FRMPD4: variants seen among roughly 807,000 people sequenced by gnomAD.
FRMPD4 encodes FERM and PDZ domain-containing protein 4.
Under a neutral mutation model 94.1 loss-of-function variants are expected in FRMPD4, and 22 were observed. That is an observed-to-expected ratio of 0.23 (90% CI 0.17 to 0.33). The LOEUF (loss-of-function observed/expected upper bound fraction) is 0.33. FRMPD4 is among the 10% of genes least tolerant of loss of function. The pLI, the probability that FRMPD4 is intolerant of heterozygous loss-of-function variation, is 1.00. For missense variants in FRMPD4, 1,111 were observed against 1,339.9 expected (o/e 0.83, Z 2.67); for synonymous variants, 631 against 548.6 (o/e 1.15, Z -2.10).
intron 1 of FRMPD4, among the ~76,000 whole-genome samples, chrX:12,156,366 AAAG>A (rs1372884022): frequency 5.4e-5 from 6 of 111,474 alleles, no homozygotes; most frequent in Non-Finnish European, 9.4e-5. Context: ...CTCTGGGAGG[AAAG>A]AAGGAGGGGA....
At chrX:12,373,599 C>T (rs1029161454) in intron 1 of FRMPD4, among the ~76,000 whole-genome samples, 2 of 112,032 alleles carry the variant, frequency 1.8e-5, no homozygotes, top group African/African-American at 6.5e-5. Context: ...CTAGAAGGAA[C>T]CAGCATCAAT....
At chrX:11,971,937 G>T (rs920350448) in intron 3 of FRMPD4, among the ~76,000 whole-genome samples, 2 of 112,010 alleles carry the variant, frequency 1.8e-5, no homozygotes, top group Admixed American at 1.9e-4. Context: ...TAGGACTTTT[G>T]TTTGGTTGTT....
intron 3 of FRMPD4, among the ~76,000 whole-genome samples, chrX:11,951,846 C>A (rs770020610): frequency 1.8e-5 from 2 of 111,220 alleles, no homozygotes; most frequent in Non-Finnish European, 3.8e-5. Context: ...CCAGCCTGGG[C>A]AACAAGACAA....
At chrX:12,082,329 G>T (rs1015380687) in intron 3 of FRMPD4, among the ~76,000 whole-genome samples, 7 of 111,472 alleles carry the variant, frequency 6.3e-5, no homozygotes, top group Non-Finnish European at 1.1e-4. Flanking sequence ...GATCTGATGG[G>T]TTTATCAGGG....
At chrX:12,577,330 T>C (rs1352592441) in intron 2 of FRMPD4, among the ~76,000 whole-genome samples, 4 of 110,313 alleles carry the variant, frequency 3.6e-5, no homozygotes, top group Non-Finnish European at 7.6e-5. Flanking sequence ...AGGAAGAAAG[T>C]GAGGGGGGAT....
chrX:12,057,444 G>A (rs2054860506), intron 3 of FRMPD4, among the ~76,000 whole-genome samples: 1 of 110,417 alleles, frequency 9.1e-6, no homozygotes, highest in Non-Finnish European at 1.9e-5. Flanking sequence ...GTCTTGTTGG[G>A]GCCTGAGATA....
At chrX:12,065,479 T>C (rs1282028430) in intron 3 of FRMPD4, among the ~76,000 whole-genome samples, 2 of 112,175 alleles carry the variant, frequency 1.8e-5, no homozygotes, top group Non-Finnish European at 3.8e-5. Flanking sequence ...GCGTTCGGGC[T>C]GGCTGACTAG....
At chrX:12,533,439 G>A (rs1329757116) in intron 2 of FRMPD4, among the ~76,000 whole-genome samples, 1 of 112,246 alleles carries the variant, frequency 8.9e-6, no homozygotes, top group East Asian at 2.8e-4. Context: ...AAATGTGGAA[G>A]CAACTTTGGA....
chrX:12,416,439 T>C (rs934302309), intron 1 of FRMPD4, among the ~76,000 whole-genome samples: 4 of 112,210 alleles, frequency 3.6e-5, no homozygotes, highest in African/African-American at 1.3e-4. Context: ...ACAACTTGTA[T>C]GGTGTAGCCT....
intron 4 of FRMPD4, among the ~76,000 whole-genome samples, chrX:12,621,493 C>T (rs1408681676): frequency 2.1e-5 from 2 of 97,134 alleles, no homozygotes; most frequent in African/African-American, 3.8e-5. Context: ...CCAAGAAAAA[C>T]AAAAAGCAAT....
At chrX:11,853,146 T>C (rs2053634903) in intron 1 of FRMPD4, among the ~76,000 whole-genome samples, 1 of 111,808 alleles carries the variant, frequency 8.9e-6, no homozygotes, top group South Asian at 3.7e-4. Context: ...CTGAATGACA[T>C]TGGGGTAAAT....
intron 1 of FRMPD4, among the ~76,000 whole-genome samples, chrX:12,441,249 T>C (rs2057133008): frequency 9.0e-6 from 1 of 111,142 alleles, no homozygotes; most frequent in African/African-American, 3.3e-5. Flanking sequence ...TAAAATCTCA[T>C]GGGGAGAAAT....
chrX:12,230,659 A>G (rs1428447696), intron 1 of FRMPD4, among the ~76,000 whole-genome samples: 1 of 107,999 alleles, frequency 9.3e-6, no homozygotes, highest in Non-Finnish European at 1.9e-5. Flanking sequence ...GGCCCCAGGG[A>G]GAGGCCTGCA....
chrX:12,512,362 G>A (rs995819465), intron 2 of FRMPD4, among the ~76,000 whole-genome samples: 2 of 111,616 alleles, frequency 1.8e-5, no homozygotes, highest in African/African-American at 6.5e-5. Flanking sequence ...TTATCCTGAC[G>A]CTCTCCCTCC....
At chrX:12,121,168 T>A (rs898124915) in intron 3 of FRMPD4, among the ~76,000 whole-genome samples, 27 of 109,422 alleles carry the variant, frequency 2.5e-4, no homozygotes, top group African/African-American at 8.9e-4. Context: ...TCTCATTATC[T>A]CATTAATGCT....
chrX:12,362,968 AT>A (rs1474093110), intron 1 of FRMPD4, among the ~76,000 whole-genome samples: 2 of 111,661 alleles, frequency 1.8e-5, no homozygotes, highest in African/African-American at 6.5e-5. Context: ...GATGATGAGC[AT>A]TTTTTCATGT....
At chrX:12,056,000 C>T (rs1381684539) in intron 3 of FRMPD4, among the ~76,000 whole-genome samples, 1 of 111,534 alleles carries the variant, frequency 9.0e-6, no homozygotes, top group Non-Finnish European at 1.9e-5. Context: ...TTTTTCTCCC[C>T]AAGTATTATC....
intron 3 of FRMPD4, among the ~76,000 whole-genome samples, chrX:11,886,747 CT>C (rs1418284140): frequency 1.8e-5 from 2 of 109,579 alleles, no homozygotes; most frequent in Admixed American, 1.9e-4. Flanking sequence ...TTTTTTTTAA[CT>C]TTTTTGCTTA....
At chrX:12,607,273 A>G (rs1484421019) in intron 2 of FRMPD4, among the ~76,000 whole-genome samples, 2 of 111,624 alleles carry the variant, frequency 1.8e-5, no homozygotes, top group Admixed American at 9.5e-5. Context: ...CATCCCAAGC[A>G]TATACCATAT....
Sources: allele counts gnomAD v4.1 joint callset (sites outside exome capture counted in the v4.1 genomes callset), GRCh38; gene constraint gnomAD v4.1.1; transcripts MANE v1.5; gene names NCBI Gene and HGNC (gene_info 2026-07-23, HGNC 2026-07-21).